The following NSMCE2 variants were observed in gnomAD, a reference collection of about 807,000 sequenced individuals.
The protein encoded by NSMCE2 is E3 SUMO-protein ligase NSE2.
NSMCE2 carries 24 observed loss-of-function variants against 23.8 expected under a neutral mutation model. The observed-to-expected ratio is 1.01, with a 90% CI of 0.73 to 1.42. The LOEUF (loss-of-function observed/expected upper bound fraction) is 1.42, where lower values mean the gene tolerates loss of function less well. NSMCE2 is among the 40% of genes most tolerant of loss of function. The pLI is 0.00. For synonymous variants in NSMCE2, 92 were observed against 94.1 expected, an observed-to-expected ratio of 0.98 and a Z score of 0.13; for missense variants, 284 against 296.5, an observed-to-expected ratio of 0.96 and a Z score of 0.31.
chr8:125,346,886 CAGT>C (rs1812781389), intron 5 of NSMCE2, among the ~76,000 whole-genome samples: 1 of 152,158 alleles, frequency 6.6e-6, no homozygotes, highest in Admixed American at 6.5e-5. Context: ...TCTGCAACAA[CAGT>C]AGATAAATTA....
intron 5 of NSMCE2, among the ~76,000 whole-genome samples, chr8:125,254,995 C>T (rs899958337): frequency 1.3e-5 from 2 of 152,098 alleles, no homozygotes; most frequent in African/African-American, 4.8e-5. Context: ...TAGAATATGG[C>T]AGAAATGACG....
intron 5 of NSMCE2, among the ~76,000 whole-genome samples, chr8:125,353,606 C>T (rs141684549): frequency 1.3e-4 from 20 of 152,252 alleles, no homozygotes; most frequent in African/African-American, 4.1e-4. Flanking sequence ...CGTTTTAGGA[C>T]GGGTGCAGTG....
chr8:125,099,796 G>A (rs537457606), intron 1 of NSMCE2, among the ~76,000 whole-genome samples: 1 of 152,262 alleles, frequency 6.6e-6, no homozygotes, highest in Non-Finnish European at 1.5e-5. Context: ...ATCTACAGAC[G>A]AGTTTTGCTC....
At chr8:125,168,112 A>G (rs1266387254) in intron 4 of NSMCE2, among the ~76,000 whole-genome samples, 1 of 152,198 alleles carries the variant, frequency 6.6e-6, no homozygotes, top group South Asian at 2.1e-4. Flanking sequence ...AATTTCTATG[A>G]AAGATTTTAT....
At chr8:125,352,003 G>T (rs1430820300) in intron 5 of NSMCE2, among the ~76,000 whole-genome samples, 1 of 151,900 alleles carries the variant, frequency 6.6e-6, no homozygotes, top group African/African-American at 2.4e-5. Flanking sequence ...AACAGAGCAA[G>T]ACTCCATTTC....
chr8:125,096,507 G>A (rs1817938018), intron 1 of NSMCE2, among the ~76,000 whole-genome samples: 1 of 150,078 alleles, frequency 6.7e-6, no homozygotes, highest in African/African-American at 2.4e-5. Flanking sequence ...GCCATGGAAA[G>A]CTTTATTTTT....
chr8:125,250,325 T>A (rs923392264), intron 5 of NSMCE2, among the ~76,000 whole-genome samples: 14 of 138,528 alleles, frequency 1.0e-4, no homozygotes. Flanking sequence ...TTATAATGTT[T>A]TTCTTTTTAA....
At chr8:125,221,668 G>A (rs1824866353) in intron 5 of NSMCE2, among the ~76,000 whole-genome samples, 1 of 152,182 alleles carries the variant, frequency 6.6e-6, no homozygotes, top group Non-Finnish European at 1.5e-5. Flanking sequence ...ATATATTAGG[G>A]ATAAGACCCA....
At chr8:125,361,145 A>G (rs1296483308) in intron 7 of NSMCE2, among the ~76,000 whole-genome samples, 1 of 145,756 alleles carries the variant, frequency 6.9e-6, no homozygotes, top group Non-Finnish European at 1.5e-5. Flanking sequence ...AGGCTGGAGT[A>G]CAACCTCTGC....
intron 5 of NSMCE2, among the ~76,000 whole-genome samples, chr8:125,231,280 TAA>T (rs1426384179): frequency 1.3e-5 from 2 of 152,210 alleles, no homozygotes; most frequent in East Asian, 3.8e-4. Context: ...TAGATGTGAT[TAA>T]ATGGTTGCTG....
chr8:125,094,894 C>T (rs768793394), intron 1 of NSMCE2, among the ~76,000 whole-genome samples: 6 of 152,120 alleles, frequency 3.9e-5, no homozygotes, highest in Admixed American at 1.3e-4. Flanking sequence ...CGCTCTGTTG[C>T]CCAGGCTGGA....
chr8:125,158,314 A>G (rs1821428728), intron 4 of NSMCE2, among the ~76,000 whole-genome samples: 1 of 152,222 alleles, frequency 6.6e-6, no homozygotes, highest in Admixed American at 6.5e-5. Context: ...CAGTTTTTAA[A>G]AACATGCGGT....
chr8:125,323,035 G>T (rs908661224), intron 5 of NSMCE2, among the ~76,000 whole-genome samples: 32 of 152,116 alleles, frequency 2.1e-4, no homozygotes, highest in African/African-American at 7.5e-4. Context: ...CTCCAGCCTG[G>T]GCAATAGAGT....
intron 5 of NSMCE2, among the ~76,000 whole-genome samples, chr8:125,302,358 C>T (rs1246645189): frequency 6.6e-6 from 1 of 152,092 alleles, no homozygotes; most frequent in Non-Finnish European, 1.5e-5. Flanking sequence ...TGCAAAGGCC[C>T]TGGTGTGGGA....
intron 5 of NSMCE2, among the ~76,000 whole-genome samples, chr8:125,301,479 G>A (rs748072484): frequency 6.6e-6 from 1 of 151,956 alleles, no homozygotes; most frequent in Non-Finnish European, 1.5e-5. Flanking sequence ...TGGCGGTGGG[G>A]TGGTGGTGAG....
At chr8:125,257,643 C>T (rs1016279530) in intron 5 of NSMCE2, among the ~76,000 whole-genome samples, 8 of 150,358 alleles carry the variant, frequency 5.3e-5, no homozygotes, top group Non-Finnish European at 2.9e-5. Flanking sequence ...ACGCCATTCT[C>T]CTGCCTCAGC....
intron 5 of NSMCE2, among the ~76,000 whole-genome samples, chr8:125,323,542 T>C (rs1211610158): frequency 1.3e-5 from 2 of 152,220 alleles, no homozygotes; most frequent in Non-Finnish European, 2.9e-5. Flanking sequence ...GACAGTTCCA[T>C]GGTTTTCCAC....
chr8:125,339,767 G>A (rs1830173010), intron 5 of NSMCE2, among the ~76,000 whole-genome samples: 1 of 151,954 alleles, frequency 6.6e-6, no homozygotes, highest in African/African-American at 2.4e-5. Context: ...GTGAGTTCCC[G>A]TGGCCCCCTG....
intron 3 of NSMCE2, among the ~76,000 whole-genome samples, chr8:125,105,315 A>G (rs1194307803): frequency 6.6e-6 from 1 of 152,224 alleles, no homozygotes; most frequent in Non-Finnish European, 1.5e-5. Context: ...TTTGGTGATC[A>G]TAATTTAGCT....
Sources: gnomAD v4.1 joint callset for allele counts (sites outside exome capture counted in the v4.1 genomes callset) on GRCh38, gnomAD v4.1.1 for gene constraint, MANE v1.5 for transcripts, NCBI Gene and HGNC (gene_info 2026-07-23, HGNC 2026-07-21) for gene names.